The following ARHGAP17 variants were observed in gnomAD, a reference collection of about 807,000 sequenced individuals.
ARHGAP17 encodes the protein rho GTPase-activating protein 17.
Under a neutral mutation model 99.5 loss-of-function variants are expected in ARHGAP17, and 57 were observed. The ratio of observed to expected loss-of-function variants is 0.57; its 90% CI spans 0.46 to 0.71. ARHGAP17 has a LOEUF of 0.71. Among genes scored for constraint, ARHGAP17 ranks in the 30% least tolerant of loss-of-function variants. The pLI, the probability that ARHGAP17 is intolerant of heterozygous loss-of-function variation, is 0.00. For missense variants in ARHGAP17, 1,000 were observed against 1,122.4 expected (o/e 0.89, Z 1.56); for synonymous variants, 417 against 429.6 (o/e 0.97, Z 0.36).
At chr16:24,935,380 G>A (rs1198362505) in intron 18 of ARHGAP17, 90 bp downstream of exon 18, 1 of 1,383,566 alleles carries the variant, frequency 7.2e-7, no homozygotes, top group Non-Finnish European at 9.6e-7. Flanking sequence ...GAAAAGATCT[G>A]GCCACAAACC....
intron 1 of ARHGAP17, among the ~76,000 whole-genome samples, chr16:24,997,381 A>G (rs990434139): frequency 6.6e-6 from 1 of 152,264 alleles, no homozygotes; most frequent in African/African-American, 2.4e-5. Flanking sequence ...CAAGGCACCC[A>G]GTACACACCC....
intron 18 of ARHGAP17, among the ~76,000 whole-genome samples, chr16:24,933,254 TCTGA>T (rs3032222): frequency 0.08 from 12,030 of 151,264 alleles, 1,524 homozygotes; most frequent in African/African-American, 0.27. Context: ...TTCCCAGCAC[TCTGA>T]CTGGCTGAGG....
In ARHGAP17 at chr16:24,930,816, T is replaced by G. The variant is rs1298077907; in HGVS notation, c.2483A>C (p.Asn828Thr). ...VHSAGDSSLT[N>T]TAPTASKIVT... ...TATCTTGGAAGCTGTTGGTGCTGTGTTGGTGAGGCTGCTGTCCCCAGCTGA... is the reference window on the plus strand; with the variant it reads ...TATCTTGGAAGCTGTTGGTGCTGTGGTGGTGAGGCTGCTGTCCCCAGCTGA... The change falls in exon 19 of 20, where the codon AAC becomes ACC. Residue 828 changes from asparagine to threonine, a missense_variant. This residue lies in a region of ARHGAP17 where 528 missense variants were observed against 511.4 expected (regional missense o/e 1.03). Coordinates refer to ENST00000289968, the MANE Select transcript of ARHGAP17 (RefSeq NM_001006634.3). 1 of 1,614,050 alleles carries G rather than the reference T, an allele frequency of 6.2e-7. No homozygotes were observed. Among genetic ancestry groups the G allele is most frequent in the Non-Finnish European group, 8.5e-7 (1 of 1,179,998 alleles).
Position 25,015,274 on chromosome 16 carries a change from GGCGGCGGCCC to G in ARHGAP17, c.-23_-14del. 3.0e-6 allele frequency: 4 copies of G among 1,337,886 alleles called. No homozygotes were observed. Among genetic ancestry groups the G allele is most frequent in the Non-Finnish European group, 3.9e-6 (4 of 1,033,824 alleles). The allele number at this position is 1,337,886 out of a possible 1,614,324, so 82.9% of individuals were successfully genotyped here. ...ACTGCTTCTTCATGGCGGCGGTGGCGGCGGCGGCCCGCGGGGCTCGGGCCGGGCAGGGCGG... is the reference window on the plus strand; with the variant it reads ...ACTGCTTCTTCATGGCGGCGGTGGCGGCGGGGCTCGGGCCGGGCAGGGCGG... On this transcript the variant is annotated 5_prime_UTR_variant, in exon 1 of 20. Coordinates refer to ENST00000289968, the MANE Select transcript of ARHGAP17 (RefSeq NM_001006634.3).
rs1161612983 is a variant in ARHGAP17, at chr16:24,935,536, A to C, written c.1828T>G (p.Ser610Ala). ...GQNQPQAAAG[S>A]HQLSMGQPHN... ...GGTTGGCCCATGGAGAGCTGGTGGG[A>C]GCCAGCAGCTGCCTGGGGCTGATTT... The change falls in exon 18 of 20, where the codon TCC (serine) becomes GCC (alanine). Residue 610 changes from serine to alanine, a missense_variant. Coordinates refer to ENST00000289968, the MANE Select transcript of ARHGAP17 (RefSeq NM_001006634.3). 1 of 1,613,572 alleles carries C rather than the reference A, an allele frequency of 6.2e-7. No homozygotes were observed. Among genetic ancestry groups the C allele is most frequent in the East Asian group, 2.2e-5 (1 of 44,860 alleles).
intron 1 of ARHGAP17, among the ~76,000 whole-genome samples, chr16:25,002,346 C>T (rs2053383439): frequency 2.0e-5 from 3 of 152,184 alleles, no homozygotes; most frequent in Middle Eastern, 3.4e-3. Context: ...TCCCAGTCAC[C>T]GCCCAAGGCT....
chr16:24,949,316 G>T, intron 13 of ARHGAP17, 88 bp downstream of exon 13: 1 of 1,003,810 alleles, frequency 1.0e-6, no homozygotes, highest in Non-Finnish European at 1.5e-6. Flanking sequence ...GTTTTTTAAT[G>T]TGCCAAGTAT....
intron 19 of ARHGAP17, among the ~76,000 whole-genome samples, chr16:24,922,372 T>C (rs1312652671): frequency 1.3e-5 from 2 of 152,214 alleles, no homozygotes; most frequent in Non-Finnish European, 2.9e-5. Context: ...CCACAGCTGC[T>C]CTCTTTTTCT....
chr16:24,929,632 C>A, intron 19 of ARHGAP17: 1 of 987,872 alleles, frequency 1.0e-6, no homozygotes, highest in East Asian at 1.1e-4. Flanking sequence ...GGAAACCTTC[C>A]CCACCTGTGA....
chr16:24,926,464 G>T (rs2050846122), intron 19 of ARHGAP17, among the ~76,000 whole-genome samples: 1 of 152,118 alleles, frequency 6.6e-6, no homozygotes, highest in Non-Finnish European at 1.5e-5. Context: ...GTTTCCCCAT[G>T]TTGGCCAGGC....
chr16:24,979,958 A>G (rs1391845872), intron 1 of ARHGAP17, among the ~76,000 whole-genome samples: 1 of 152,076 alleles, frequency 6.6e-6, no homozygotes, highest in East Asian at 1.9e-4. Flanking sequence ...TAATCCGCCC[A>G]CCTTGGCCTC....
intron 1 of ARHGAP17, among the ~76,000 whole-genome samples, chr16:25,011,194 T>C (rs926504826): frequency 6.6e-6 from 1 of 152,198 alleles, no homozygotes; most frequent in Non-Finnish European, 1.5e-5. Flanking sequence ...CACCATGACC[T>C]TTATTTCTTG....
At position 24,977,177 on chromosome 16, in the gene ARHGAP17, C is replaced by T. The variant is rs374431479; in HGVS notation, c.198+38G>A. ...CAGGGGTTGAAAAGCCTCAGAGAGA[C>T]GCAGGAACTGTGGGTCTGAGTCACA... On this transcript the variant is annotated intron_variant, in intron 3 of 19. Transcript: ENST00000289968. 2.1e-4 allele frequency: 312 copies of T among 1,494,948 alleles called. 1 individual carries two copies. The highest frequency in any genetic ancestry group is 2.0e-3 in the South Asian group (144 of 72,050). 92.6% of individuals were successfully genotyped at this position (1,494,948 alleles called of 1,614,324 possible). A position where few individuals can be genotyped will look rare whatever the true frequency, so the allele number is the denominator to read the frequency against.
At position 25,015,198 on chromosome 16, in the gene ARHGAP17, G is replaced by A; in HGVS notation, c.53+11C>T. On this transcript the variant is annotated intron_variant, in intron 1 of 19. Coordinates refer to ENST00000289968, the MANE Select transcript of ARHGAP17 (RefSeq NM_001006634.3). ...CCCCGGTGCGACCCCCGTGCTGCCCGGCGCACTCGCCTGCCCACGGTCTGG... is the reference window on the plus strand; with the variant it reads ...CCCCGGTGCGACCCCCGTGCTGCCCAGCGCACTCGCCTGCCCACGGTCTGG... 1 of 1,313,580 alleles carries A rather than the reference G, an allele frequency of 7.6e-7. No homozygotes were observed. The highest frequency in any genetic ancestry group is 2.2e-5 in the South Asian group (1 of 46,176). The allele number at this position is 1,313,580 out of a possible 1,614,324, so 81.4% of individuals were successfully genotyped here. A position where few individuals can be genotyped will look rare whatever the true frequency, so the allele number is the denominator to read the frequency against.
At chr16:24,932,718 A>G (rs1382133009) in intron 18 of ARHGAP17, among the ~76,000 whole-genome samples, 1 of 151,914 alleles carries the variant, frequency 6.6e-6, no homozygotes, top group Non-Finnish European at 1.5e-5. Context: ...TCCTCCCTAC[A>G]CCAGCTGAGA....
At chr16:24,978,925 T>G in intron 2 of ARHGAP17, 41 bp downstream of exon 2, 1 of 1,395,902 alleles carries the variant, frequency 7.2e-7, no homozygotes, top group Non-Finnish European at 9.7e-7. Context: ...TTTTTTTCCA[T>G]CCTTTAAACA....
intron 19 of ARHGAP17, among the ~76,000 whole-genome samples, chr16:24,925,590 C>T (rs2050818913): frequency 6.6e-6 from 1 of 152,122 alleles, no homozygotes; most frequent in African/African-American, 2.4e-5. Flanking sequence ...TGATTATCTA[C>T]TTATTAAAAA....
At chr16:24,951,716 C>T (rs776285056) in intron 12 of ARHGAP17, among the ~76,000 whole-genome samples, 5 of 152,200 alleles carry the variant, frequency 3.3e-5, no homozygotes, top group African/African-American at 1.2e-4. Flanking sequence ...TTTTCTCTAG[C>T]TTATCTATTG....
At position 24,977,294 on chromosome 16, in the gene ARHGAP17, C is replaced by T. The variant is rs904528145; in HGVS notation, c.119G>A (p.Arg40Gln). The T allele has an allele frequency of 3.1e-6, 5 of 1,593,918 alleles. No individual in the cohort carries two copies. Among genetic ancestry groups the T allele is most frequent in the Middle Eastern group, 1.7e-4 (1 of 6,008 alleles). The change falls in exon 3 of 20, where the codon CGG becomes CAG. Residue 40 changes from arginine to glutamine, a missense_variant. Physicochemically the swap from Arg to Gln is conservative, Grantham distance 43. Transcript: ENST00000289968. ...CTTATGGGAATGGTGGCATATTGAC[C>T]GCACCGTGTCCAGGCGTCTCTCAAT... ...LQIERRLDTV[R>Q]SICHHSHKRL...
Sources: allele counts gnomAD v4.1 joint callset (sites outside exome capture counted in the v4.1 genomes callset), GRCh38; gene constraint gnomAD v4.1.1; regional missense constraint gnomAD v4.1.1; transcripts MANE v1.5; gene names NCBI Gene and HGNC (gene_info 2026-07-23, HGNC 2026-07-21).